The following C10orf90 variants were observed in gnomAD, a reference collection of about 807,000 sequenced individuals.
The protein encoded by C10orf90 is chromosome 10 open reading frame 90.
C10orf90 carries 56 observed loss-of-function variants against 62.5 expected under a neutral mutation model. That is an observed-to-expected ratio of 0.90 (90% CI 0.72 to 1.12). The LOEUF is 1.12. Among genes scored for constraint, C10orf90 ranks in the 50% most tolerant of loss-of-function variants. The pLI is 0.00. For synonymous variants in C10orf90, 386 were observed against 340.4 expected (o/e 1.13, Z -1.47); for missense variants, 970 against 880.4 (o/e 1.10, Z -1.29).
At chr10:126,551,475 G>A (rs1489364776) in intron 2 of C10orf90, among the ~76,000 whole-genome samples, 1 of 152,080 alleles carries the variant, frequency 6.6e-6, no homozygotes, top group African/African-American at 2.4e-5. Context: ...AGAAACACAT[G>A]TTGGATTGAA....
At chr10:126,498,576 CA>C (rs1205809071) in intron 4 of C10orf90, among the ~76,000 whole-genome samples, 2 of 152,294 alleles carry the variant, frequency 1.3e-5, no homozygotes, top group African/African-American at 4.8e-5. Flanking sequence ...AATGGCCATT[CA>C]GCAGTGTGAT....
intron 2 of C10orf90, among the ~76,000 whole-genome samples, chr10:126,553,930 C>T (rs1468206326): frequency 6.6e-6 from 1 of 152,094 alleles, no homozygotes; most frequent in African/African-American, 2.4e-5. Flanking sequence ...GGCGATACAG[C>T]CACTTTGGAA....
At chr10:126,475,995 C>T (rs908622337) in intron 4 of C10orf90, among the ~76,000 whole-genome samples, 1 of 152,150 alleles carries the variant, frequency 6.6e-6, no homozygotes, top group African/African-American at 2.4e-5. Context: ...GCTTACCTCG[C>T]ACAAAATACC....
intron 2 of C10orf90, among the ~76,000 whole-genome samples, chr10:126,537,326 AAG>A (rs1864263951): frequency 6.6e-6 from 1 of 152,222 alleles, no homozygotes; most frequent in Non-Finnish European, 1.5e-5. Context: ...TTTACCTAAA[AAG>A]AGATGTTTGA....
At chr10:126,650,467 C>T (rs1206868967) in intron 1 of C10orf90, among the ~76,000 whole-genome samples, 2 of 152,086 alleles carry the variant, frequency 1.3e-5, no homozygotes, top group East Asian at 1.9e-4. Flanking sequence ...GTCACAGAGG[C>T]GTGATCATTA....
intron 2 of C10orf90, among the ~76,000 whole-genome samples, chr10:126,554,323 G>T (rs1402625587): frequency 6.6e-6 from 1 of 152,224 alleles, no homozygotes. Context: ...AAAAGTAATC[G>T]ATTGCAGTAG....
intron 2 of C10orf90, among the ~76,000 whole-genome samples, chr10:126,618,306 A>C (rs73386881): frequency 0.048 from 7,368 of 152,232 alleles, 523 homozygotes; most frequent in African/African-American, 0.16. Context: ...AGTCAAAAAG[A>C]TATGCTGTTT....
intron 4 of C10orf90, among the ~76,000 whole-genome samples, chr10:126,472,956 GTT>G (rs751895740): frequency 5.0e-4 from 76 of 152,118 alleles, no homozygotes; most frequent in Admixed American, 1.4e-3. Context: ...AGGAAACAAA[GTT>G]TTTTTGTGGG....
intron 1 of C10orf90, among the ~76,000 whole-genome samples, chr10:126,660,876 G>T (rs916046026): frequency 2.6e-5 from 4 of 152,142 alleles, no homozygotes; most frequent in Non-Finnish European, 1.5e-5. Flanking sequence ...CAGTTAATTT[G>T]TGCATGGTGA....
intron 2 of C10orf90, among the ~76,000 whole-genome samples, chr10:126,518,284 A>G (rs911159344): frequency 2.0e-5 from 3 of 152,178 alleles, no homozygotes; most frequent in African/African-American, 7.2e-5. Context: ...GACCTAGCAA[A>G]TGAGGAGTTT....
In C10orf90 at chr10:126,625,438, A is replaced by T. The variant is rs557001241; in HGVS notation, c.313+21127T>A. Among the ~76,000 whole-genome samples, 4 of 152,280 alleles carry T rather than the reference A, an allele frequency of 2.6e-5. No individual in the cohort carries two copies. The South Asian group carries it at 8.3e-4, about 32-fold the overall frequency. The stretch of plus-strand genomic sequence containing the variant: ...ACCACAGGACATTTTTATAAAATAT[A>T]GCAGGTGTTTAGCATCCTGCTTAAC... On this transcript the variant is annotated intron_variant, in intron 2 of 9. Coordinates refer to ENST00000488181, the MANE Select transcript of C10orf90 (RefSeq NM_001350921.2).
intron 4 of C10orf90, among the ~76,000 whole-genome samples, chr10:126,492,647 T>C (rs61863940): frequency 0.021 from 3,137 of 152,190 alleles, 32 homozygotes; most frequent in Middle Eastern, 0.051. Context: ...AAAGATGAAA[T>C]ACAGATGTAC....
At position 126,504,952 on chromosome 10, in the gene C10orf90, T is replaced by C. The variant is rs1862640299; in HGVS notation, c.539A>G (p.His180Arg). 1 of 1,614,206 alleles carries C rather than the reference T, an allele frequency of 6.2e-7. No homozygotes were observed. The highest frequency in any genetic ancestry group is 8.5e-7 in the Non-Finnish European group (1 of 1,180,042). ...PCAIAQSRAH[H>R]AKQSLANRSG... ...GCGGTTAGCCAGAGATTGCTTGGCG[T>C]GATGTGCACGAGACTGAGCAATGGC... Residue 180 changes from histidine (H) to arginine (R), a missense_variant, in exon 4 of 10, where the codon CAC becomes CGC. By Grantham distance (29) the His-to-Arg change is conservative. Coordinates refer to ENST00000488181, the MANE Select transcript of C10orf90 (RefSeq NM_001350921.2). The surrounding 1 kb of genome is among the most constrained non-coding windows in gnomAD (Gnocchi z 4.1).
chr10:126,460,883 C>G (rs1292452426), intron 6 of C10orf90, among the ~76,000 whole-genome samples: 3 of 152,126 alleles, frequency 2.0e-5, no homozygotes, highest in Non-Finnish European at 4.4e-5. Flanking sequence ...ATTTTTATTT[C>G]TCTGTATTTT....
At chr10:126,645,643 A>G (rs193020437) in intron 2 of C10orf90, among the ~76,000 whole-genome samples, 3 of 152,128 alleles carry the variant, frequency 2.0e-5, no homozygotes, top group East Asian at 3.9e-4. Context: ...GACTACCAGA[A>G]AGGATTAAAC....
At chr10:126,619,304 A>T (rs1217924628) in intron 2 of C10orf90, among the ~76,000 whole-genome samples, 1 of 152,216 alleles carries the variant, frequency 6.6e-6, no homozygotes, top group Admixed American at 6.5e-5. Flanking sequence ...TCCTGTCAGG[A>T]ATATACACGG....
chr10:126,496,495 T>G (rs1418194991), intron 4 of C10orf90, among the ~76,000 whole-genome samples: 2 of 152,234 alleles, frequency 1.3e-5, no homozygotes, highest in Non-Finnish European at 1.5e-5. Flanking sequence ...AACATTACAT[T>G]TGACCACATG....
At chr10:126,571,007 C>A (rs1449262527) in intron 2 of C10orf90, among the ~76,000 whole-genome samples, 2 of 152,232 alleles carry the variant, frequency 1.3e-5, no homozygotes, top group Admixed American at 1.3e-4. Flanking sequence ...ATTTCACAAA[C>A]CTGTGCTCAG....
At chr10:126,546,774 G>A (rs761740679) in intron 2 of C10orf90, among the ~76,000 whole-genome samples, 5 of 152,222 alleles carry the variant, frequency 3.3e-5, no homozygotes, top group African/African-American at 4.8e-5. Flanking sequence ...AATTAAAATA[G>A]AAGATTTAAT....
Sources: gnomAD v4.1 joint callset for allele counts (sites outside exome capture counted in the v4.1 genomes callset) on GRCh38, gnomAD v4.1.1 for gene constraint, Gnocchi (gnomAD v3.1) non-coding constraint, MANE v1.5 for transcripts, NCBI Gene and HGNC (gene_info 2026-07-23, HGNC 2026-07-21) for gene names.